Variants in GRIK2 observed in about 807,000 individuals in gnomAD.
GRIK2 encodes the protein glutamate ionotropic receptor kainate type subunit 2, also known as glutamate receptor ionotropic, kainate 2.
A neutral mutation model predicts 100.3 loss-of-function variants in GRIK2; 32 were observed. The ratio of observed to expected loss-of-function variants is 0.32; its 90% CI spans 0.24 to 0.43. The LOEUF (loss-of-function observed/expected upper bound fraction) is 0.43. GRIK2 is among the 20% of genes least tolerant of loss of function. GRIK2 has a pLI of 1.00. For synonymous variants in GRIK2, 417 were observed against 389.4 expected (o/e 1.07, Z -0.83); for missense variants, 843 against 1,114.9 (o/e 0.76, Z 3.47).
intron 14 of GRIK2, among the ~76,000 whole-genome samples, chr6:102,021,761 C>T (rs1335891763): frequency 6.6e-6 from 1 of 151,252 alleles, no homozygotes; most frequent in Admixed American, 6.6e-5. Flanking sequence ...CTGAGCTACC[C>T]TGCTTATGTA....
At chr6:101,425,734 C>G (rs1445231618) in intron 2 of GRIK2, among the ~76,000 whole-genome samples, 4 of 152,120 alleles carry the variant, frequency 2.6e-5, no homozygotes, top group African/African-American at 9.7e-5. Flanking sequence ...TTTTCCTAGA[C>G]CTTTAAAATC....
In GRIK2 at chr6:101,818,437, TCA is replaced by T; in HGVS notation, c.1274_1275del (p.Thr425ArgfsTer22). On this transcript the variant is annotated frameshift_variant, in exon 10 of 17. Transcript: ENST00000369134. LOFTEE classifies it high-confidence loss of function. ...AGTCAAAAGGGAAAGCCAGCGAACA[TCA>T]CAGATTCCTTATCCAATCGTTCTTT... The T allele has an allele frequency of 6.2e-7, 1 of 1,611,598 alleles. No individual in the cohort carries two copies. Among genetic ancestry groups the T allele is most frequent in the Non-Finnish European group, 8.5e-7 (1 of 1,177,810 alleles).
At chr6:101,684,808 A>G (rs1286926796) in intron 6 of GRIK2, among the ~76,000 whole-genome samples, 1 of 151,674 alleles carries the variant, frequency 6.6e-6, no homozygotes, top group Non-Finnish European at 1.5e-5. Context: ...ATCTAATGGC[A>G]ATAAATCCAG....
chr6:101,922,122 T>TCCTTCCTTCCCTC (rs1789581502), intron 12 of GRIK2, among the ~76,000 whole-genome samples: 1 of 16,020 alleles, frequency 6.2e-5, no homozygotes, highest in Admixed American at 6.0e-4. Flanking sequence ...CTTCCTTCCT[T>TCCTTCCTTCCCTC]CCTTCCTTCC....
intron 14 of GRIK2, among the ~76,000 whole-genome samples, chr6:101,931,223 C>T (rs1790264497): frequency 6.6e-6 from 1 of 152,196 alleles, no homozygotes; most frequent in African/African-American, 2.4e-5. Flanking sequence ...AATTCAAAAA[C>T]TACCTACTCA....
chr6:101,926,517 G>T (rs902806459), intron 13 of GRIK2, among the ~76,000 whole-genome samples: 1 of 152,036 alleles, frequency 6.6e-6, no homozygotes, highest in Non-Finnish European at 1.5e-5. Context: ...AGGTCTTTGA[G>T]AATTTGTATG....
At chr6:101,544,555 C>T (rs1247497097) in intron 2 of GRIK2, among the ~76,000 whole-genome samples, 1 of 152,142 alleles carries the variant, frequency 6.6e-6, no homozygotes, top group African/African-American at 2.4e-5. Flanking sequence ...AAGCGCTTCA[C>T]TTCATTGCCT....
At chr6:101,611,343 A>G (rs573319199) in intron 2 of GRIK2, among the ~76,000 whole-genome samples, 41 of 151,954 alleles carry the variant, frequency 2.7e-4, no homozygotes, top group African/African-American at 9.6e-4. Flanking sequence ...TCAAATGCCC[A>G]GGACAAGTCT....
chr6:101,441,591 G>A (rs1292981103), intron 2 of GRIK2, among the ~76,000 whole-genome samples: 2 of 152,096 alleles, frequency 1.3e-5, no homozygotes, highest in East Asian at 1.9e-4. Flanking sequence ...TTCAAGTCTG[G>A]AAAAAGCTTA....
chr6:101,854,865 T>C (rs1784341569), intron 10 of GRIK2, among the ~76,000 whole-genome samples: 1 of 152,078 alleles, frequency 6.6e-6, no homozygotes, highest in South Asian at 2.1e-4. Flanking sequence ...AAAAACCCAA[T>C]AGTAAGCCAA....
intron 10 of GRIK2, among the ~76,000 whole-genome samples, chr6:101,840,627 C>T (rs1783430247): frequency 6.6e-6 from 1 of 152,150 alleles, no homozygotes; most frequent in Non-Finnish European, 1.5e-5. Flanking sequence ...ATCCATTTAT[C>T]AGTCAATTAT....
At chr6:101,945,325 T>C (rs1439783985) in intron 14 of GRIK2, among the ~76,000 whole-genome samples, 2 of 152,164 alleles carry the variant, frequency 1.3e-5, no homozygotes, top group African/African-American at 2.4e-5. Flanking sequence ...AATTTTTATA[T>C]TGAGAATGTC....
chr6:101,798,143 A>AATAAAT (rs1315083931), intron 7 of GRIK2, among the ~76,000 whole-genome samples: 4 of 151,738 alleles, frequency 2.6e-5, no homozygotes, highest in African/African-American at 9.7e-5. Flanking sequence ...TTACTGGGTT[A>AATAAAT]AAATAAACAT....
chr6:101,575,315 A>T (rs938446470), intron 2 of GRIK2, among the ~76,000 whole-genome samples: 10 of 151,896 alleles, frequency 6.6e-5, no homozygotes, highest in Non-Finnish European at 1.3e-4. Flanking sequence ...TAGTTTTCTA[A>T]TTTTTTTGTA....
At chr6:101,570,000 A>G (rs1777456930) in intron 2 of GRIK2, among the ~76,000 whole-genome samples, 1 of 152,146 alleles carries the variant, frequency 6.6e-6, no homozygotes, top group Non-Finnish European at 1.5e-5. Context: ...AGCTTCAGCT[A>G]CTTGTAGTAA....
chr6:101,501,607 G>C (rs549156779), intron 2 of GRIK2, among the ~76,000 whole-genome samples: 1 of 152,230 alleles, frequency 6.6e-6, no homozygotes, highest in South Asian at 2.1e-4. Flanking sequence ...TGTCCTACAG[G>C]TTCTGCATCT....
chr6:101,847,761 C>T (rs114268090), intron 10 of GRIK2, among the ~76,000 whole-genome samples: 1 of 152,098 alleles, frequency 6.6e-6, no homozygotes, highest in African/African-American at 2.4e-5. Context: ...GCATACATCC[C>T]CCACTGGTTA....
intron 2 of GRIK2, among the ~76,000 whole-genome samples, chr6:101,506,998 T>A (rs1449651646): frequency 6.6e-6 from 1 of 152,104 alleles, no homozygotes; most frequent in African/African-American, 2.4e-5. Flanking sequence ...TGACATCCCA[T>A]GAAGTTTGGA....
At chr6:101,726,735 G>A (rs1367071596) in intron 7 of GRIK2, among the ~76,000 whole-genome samples, 1 of 151,998 alleles carries the variant, frequency 6.6e-6, no homozygotes, top group Non-Finnish European at 1.5e-5. Flanking sequence ...ACTATCTTCT[G>A]TTTGGTCAAA....
Sources: gnomAD v4.1 joint callset for allele counts (sites outside exome capture counted in the v4.1 genomes callset) on GRCh38, gnomAD v4.1.1 for gene constraint, MANE v1.5 for transcripts, NCBI Gene and HGNC (gene_info 2026-07-23, HGNC 2026-07-21) for gene names.